STPG2: variants seen among roughly 807,000 people sequenced by gnomAD.
STPG2 encodes sperm-tail PG-rich repeat-containing protein 2.
A neutral mutation model predicts 54.2 loss-of-function variants in STPG2; 56 were observed. The ratio of observed to expected loss-of-function variants is 1.03; its 90% CI spans 0.83 to 1.29. The LOEUF is 1.29. Ranked by LOEUF, STPG2 falls within the 50% of genes most tolerant of loss-of-function variation. The probability of loss-of-function intolerance (pLI) is 0.00; values close to 1 mark genes in which losing one functional copy is unlikely to be tolerated. For missense variants in STPG2, 596 were observed against 544.9 expected (o/e 1.09, Z -0.93); for synonymous variants, 200 against 181.8 (o/e 1.10, Z -0.81).
intron 9 of STPG2, among the ~76,000 whole-genome samples, chr4:97,720,650 T>C (rs1578505876): frequency 1.3e-5 from 2 of 152,014 alleles, no homozygotes; most frequent in Non-Finnish European, 1.5e-5. Context: ...TTTTTTTGAA[T>C]TAATTACTAA....
At chr4:97,757,333 T>A (rs1417934794) in intron 9 of STPG2, among the ~76,000 whole-genome samples, 1 of 152,184 alleles carries the variant, frequency 6.6e-6, no homozygotes, top group Non-Finnish European at 1.5e-5. Context: ...TAATTAAGCT[T>A]ACTTCAACCA....
chr4:97,830,466 C>T (rs531086560), intron 9 of STPG2, among the ~76,000 whole-genome samples: 2 of 152,222 alleles, frequency 1.3e-5, no homozygotes, highest in Admixed American at 1.3e-4. Flanking sequence ...ACTGCACCAA[C>T]TAAGGGGCAA....
At chr4:97,900,336 G>C (rs1731128923) in intron 8 of STPG2, among the ~76,000 whole-genome samples, 2 of 152,118 alleles carry the variant, frequency 1.3e-5, no homozygotes, top group South Asian at 4.1e-4. Flanking sequence ...GTGTAAATTA[G>C]TTCAACCATT....
At chr4:97,507,551 A>G (rs1730879702) in intron 4 of STPG2, among the ~76,000 whole-genome samples, 1 of 152,088 alleles carries the variant, frequency 6.6e-6, no homozygotes, top group South Asian at 2.1e-4. Context: ...GTTAAAGGGC[A>G]AAATCCTCCA....
At chr4:97,861,806 C>A (rs1457587607) in intron 8 of STPG2, among the ~76,000 whole-genome samples, 2 of 152,096 alleles carry the variant, frequency 1.3e-5, no homozygotes, top group Non-Finnish European at 2.9e-5. Context: ...CCCAGAATTT[C>A]ATATCCAGCC....
intron 9 of STPG2, among the ~76,000 whole-genome samples, chr4:97,761,336 GAC>G (rs1376728851): frequency 6.6e-6 from 1 of 152,144 alleles, no homozygotes; most frequent in Non-Finnish European, 1.5e-5. Context: ...GAGAAAGGAA[GAC>G]ACAAACGTAC....
intron 10 of STPG2, among the ~76,000 whole-genome samples, chr4:97,698,946 A>G (rs1420922821): frequency 6.6e-6 from 1 of 152,154 alleles, no homozygotes; most frequent in Non-Finnish European, 1.5e-5. Context: ...ATGACAGTGG[A>G]TAAGGCATTC....
intron 10 of STPG2, among the ~76,000 whole-genome samples, chr4:97,658,207 C>A (rs1159340955): frequency 1.3e-5 from 2 of 152,064 alleles, no homozygotes; most frequent in Admixed American, 6.6e-5. Flanking sequence ...TTTCTTGTGT[C>A]AGGATTAAAT....
intron 9 of STPG2, among the ~76,000 whole-genome samples, chr4:97,795,530 C>CA (rs1267837370): frequency 6.6e-6 from 1 of 152,126 alleles, no homozygotes; most frequent in Non-Finnish European, 1.5e-5. Context: ...ATGAACTCAT[C>CA]TTTTTTATGG....
intron 5 of STPG2, among the ~76,000 whole-genome samples, chr4:98,032,463 A>G (rs1314566472): frequency 1.3e-5 from 2 of 152,182 alleles, no homozygotes; most frequent in Non-Finnish European, 2.9e-5. Context: ...GTCATAATGG[A>G]AGACACAGAG....
chr4:97,904,007 G>A (rs967736954), intron 8 of STPG2, among the ~76,000 whole-genome samples: 8 of 152,210 alleles, frequency 5.3e-5, no homozygotes, highest in African/African-American at 1.7e-4. Flanking sequence ...CTGCAAGGCA[G>A]CAGCGAGGCT....
At position 98,026,259 on chromosome 4, in the gene STPG2, G is replaced by A. The variant is rs188691159; in HGVS notation, c.613-44941C>T. 6.6e-4 allele frequency: 564 copies of A among 858,904 alleles called. 2 individuals carry two copies. Among genetic ancestry groups the A allele is most frequent in the East Asian group, 4.8e-3 (188 of 39,424 alleles). 53.2% of individuals were successfully genotyped at this position (858,904 alleles called of 1,614,324 possible). Reference sequence around the variant, plus strand: ...CTCAAGAGCTCAGGAGTGGGCTGCTGAGAGCTAAACCAAACAATTTTCTAT... The same window carrying A: ...CTCAAGAGCTCAGGAGTGGGCTGCTAAGAGCTAAACCAAACAATTTTCTAT... On this transcript the variant is annotated intron_variant, in intron 5 of 10. Coordinates refer to ENST00000295268, the MANE Select transcript of STPG2 (RefSeq NM_174952.3).
chr4:98,071,267 C>A (rs1464169945), intron 5 of STPG2, among the ~76,000 whole-genome samples: 1 of 151,940 alleles, frequency 6.6e-6, no homozygotes, highest in Non-Finnish European at 1.5e-5. Flanking sequence ...AGACTGCATA[C>A]CTACAACTAA....
chr4:97,849,798 T>C (rs907039833), intron 8 of STPG2, among the ~76,000 whole-genome samples: 4 of 151,750 alleles, frequency 2.6e-5, no homozygotes, highest in African/African-American at 7.3e-5. Flanking sequence ...TGTGGAGAAA[T>C]AGGAACACTT....
intron 10 of STPG2, among the ~76,000 whole-genome samples, chr4:97,698,166 T>C (rs919639406): frequency 2.6e-5 from 4 of 152,130 alleles, no homozygotes; most frequent in African/African-American, 9.7e-5. Flanking sequence ...AGGTCGTGGT[T>C]ATTTTCTTGG....
chr4:97,760,586 T>G (rs956219622), intron 9 of STPG2, among the ~76,000 whole-genome samples: 3 of 152,160 alleles, frequency 2.0e-5, no homozygotes, highest in Non-Finnish European at 2.9e-5. Context: ...GTTAATAAGT[T>G]AGAAATGGAA....
At chr4:97,662,126 A>G (rs1348301898) in intron 10 of STPG2, among the ~76,000 whole-genome samples, 3 of 152,174 alleles carry the variant, frequency 2.0e-5, no homozygotes, top group Non-Finnish European at 4.4e-5. Context: ...TTTTCAAACT[A>G]TGCATCTGTC....
chr4:97,734,785 C>G (rs936854889), intron 9 of STPG2, among the ~76,000 whole-genome samples: 2 of 152,030 alleles, frequency 1.3e-5, no homozygotes, highest in Non-Finnish European at 2.9e-5. Context: ...TAAAAAGTTT[C>G]TGCACGGCCG....
intron 10 of STPG2, among the ~76,000 whole-genome samples, chr4:97,587,293 C>T (rs888277705): frequency 6.6e-6 from 1 of 151,816 alleles, no homozygotes; most frequent in African/African-American, 2.4e-5. Flanking sequence ...GCTCTGATTT[C>T]CTAAGAAATT....
Sources: allele counts gnomAD v4.1 joint callset (sites outside exome capture counted in the v4.1 genomes callset), GRCh38; gene constraint gnomAD v4.1.1; transcripts MANE v1.5; gene names NCBI Gene and HGNC (gene_info 2026-07-23, HGNC 2026-07-21).